The following NALF1 variants were observed in gnomAD, a reference collection of about 807,000 sequenced individuals.
The protein encoded by NALF1 is NALCN channel auxiliary factor 1.
Under a neutral mutation model 48.4 loss-of-function variants are expected in NALF1, and 3 were observed. That is an observed-to-expected ratio of 0.06 (90% CI 0.03 to 0.16). The LOEUF (loss-of-function observed/expected upper bound fraction) is 0.16, where lower values mean the gene tolerates loss of function less well. NALF1 is among the 10% of genes least tolerant of loss of function. NALF1 has a pLI of 1.00. For synonymous variants in NALF1, 262 were observed against 245.7 expected (o/e 1.07, Z -0.62); for missense variants, 526 against 571.5 (o/e 0.92, Z 0.81).
At chr13:107,372,449 T>C (rs921349048) in intron 1 of NALF1, among the ~76,000 whole-genome samples, 2 of 152,248 alleles carry the variant, frequency 1.3e-5, no homozygotes, top group Non-Finnish European at 2.9e-5. Context: ...TTTACTCTCA[T>C]AGTCCACAAC....
intron 1 of NALF1, among the ~76,000 whole-genome samples, chr13:107,325,881 TATATATACACAC>T (rs1471718942): frequency 9.3e-6 from 1 of 107,020 alleles, no homozygotes; most frequent in African/African-American, 3.1e-5. Context: ...TATATATATA[TATATATACACAC>T]ACACACACAC....
chr13:107,519,109 A>C (rs573129645), intron 1 of NALF1, among the ~76,000 whole-genome samples: 53 of 83,174 alleles, frequency 6.4e-4, no homozygotes, highest in African/African-American at 1.5e-3. Flanking sequence ...GCTGATAAAA[A>C]TCACTAAGGA....
At chr13:107,656,934 C>A (rs1476922010) in intron 1 of NALF1, among the ~76,000 whole-genome samples, 1 of 151,690 alleles carries the variant, frequency 6.6e-6, no homozygotes, top group Non-Finnish European at 1.5e-5. Context: ...TTTTCTCACT[C>A]ATATGTGGGA....
At chr13:107,385,552 C>CAAAAAAAAAAAAAAA (rs201307018) in intron 1 of NALF1, among the ~76,000 whole-genome samples, 7 of 118,282 alleles carry the variant, frequency 5.9e-5, no homozygotes, top group African/African-American at 1.3e-4. Flanking sequence ...GATTCCATCT[C>CAAAAAAAAAAAAAAA]AAAAAAAAAA....
chr13:107,568,344 T>G (rs969034453), intron 1 of NALF1, among the ~76,000 whole-genome samples: 1 of 152,236 alleles, frequency 6.6e-6, no homozygotes. Context: ...TGTTCAACCT[T>G]TCTCTCACTG....
intron 1 of NALF1, among the ~76,000 whole-genome samples, chr13:107,592,927 G>A (rs1878637516): frequency 6.6e-6 from 1 of 151,688 alleles, no homozygotes; most frequent in African/African-American, 2.4e-5. Context: ...AGTTTTCAAT[G>A]TTTTAGCATT....
At chr13:107,566,967 T>C (rs554449168) in intron 1 of NALF1, among the ~76,000 whole-genome samples, 2 of 152,310 alleles carry the variant, frequency 1.3e-5, no homozygotes, top group South Asian at 4.1e-4. Flanking sequence ...GATGCCAGGG[T>C]TCATTTTATT....
chr13:107,837,342 A>T (rs1449882420), intron 1 of NALF1, among the ~76,000 whole-genome samples: 1 of 152,228 alleles, frequency 6.6e-6, no homozygotes, highest in Non-Finnish European at 1.5e-5. Context: ...AGATGTTATT[A>T]TGCTTGGGCA....
intron 1 of NALF1, among the ~76,000 whole-genome samples, chr13:107,323,021 T>C (rs1350551201): frequency 6.6e-6 from 1 of 152,152 alleles, no homozygotes; most frequent in African/African-American, 2.4e-5. Context: ...TGAACTAATA[T>C]AAAGCTTAGC....
At chr13:107,581,133 T>A (rs931509588) in intron 1 of NALF1, among the ~76,000 whole-genome samples, 1 of 152,216 alleles carries the variant, frequency 6.6e-6, no homozygotes, top group African/African-American at 2.4e-5. Flanking sequence ...TCACGTTGTT[T>A]GTTCCTCGGA....
rs147595559 is a variant in NALF1, at chr13:107,638,294, C to T, written c.915+227388G>A. 3.2e-3 allele frequency among the ~76,000 whole-genome samples: 486 copies of T among 150,334 alleles called. 3 individuals carry two copies. The highest frequency in any genetic ancestry group is 0.011 in the African/African-American group (454 of 41,126). On this transcript the variant is annotated intron_variant, in intron 1 of 2. Transcript: ENST00000375915. ...CCATGAAAGTGGTATCATTTATTTC[C>T]AGGAGTAGATTATTTTTTTGTTTAG...
intron 1 of NALF1, among the ~76,000 whole-genome samples, chr13:107,405,571 G>A (rs1883885261): frequency 6.6e-6 from 1 of 151,978 alleles, no homozygotes; most frequent in East Asian, 1.9e-4. Flanking sequence ...GGAGTTCAGT[G>A]TCTGATTAAA....
chr13:107,647,511 T>G (rs1408847326), intron 1 of NALF1, among the ~76,000 whole-genome samples: 2 of 151,610 alleles, frequency 1.3e-5, no homozygotes, highest in African/African-American at 2.4e-5. Context: ...ACATATAGAT[T>G]GTTTCTACAA....
chr13:107,254,352 T>G (rs55784384), intron 1 of NALF1, among the ~76,000 whole-genome samples: 17,194 of 152,036 alleles, frequency 0.11, 1,150 homozygotes, highest in African/African-American at 0.17. Context: ...GAACAGCATT[T>G]TGTGAGAAAT....
chr13:107,549,391 T>C (rs967877455), intron 1 of NALF1, among the ~76,000 whole-genome samples: 5 of 152,170 alleles, frequency 3.3e-5, no homozygotes, highest in South Asian at 2.1e-4. Flanking sequence ...TAAGAGTCTC[T>C]AAGAACATAA....
intron 1 of NALF1, among the ~76,000 whole-genome samples, chr13:107,302,834 TCTCTCTCA>T (rs1178783418): frequency 1.3e-5 from 2 of 152,224 alleles, no homozygotes; most frequent in Admixed American, 6.5e-5. Context: ...ATGACTGCTC[TCTCTCTCA>T]CTCTCTCACA....
chr13:107,608,817 G>A (rs1879143730), intron 1 of NALF1, among the ~76,000 whole-genome samples: 1 of 152,196 alleles, frequency 6.6e-6, no homozygotes, highest in South Asian at 2.1e-4. Context: ...AGCAGGATCA[G>A]ACCCAGCCCG....
At chr13:107,765,535 T>A (rs2138565156) in intron 1 of NALF1, among the ~76,000 whole-genome samples, 1 of 152,322 alleles carries the variant, frequency 6.6e-6, no homozygotes, top group East Asian at 1.9e-4. Context: ...ACATAGTATT[T>A]GCTTATTTCG....
At chr13:107,174,522 A>AT (rs1301190817) in intron 2 of NALF1, among the ~76,000 whole-genome samples, 1 of 151,484 alleles carries the variant, frequency 6.6e-6, no homozygotes, top group African/African-American at 2.4e-5. Flanking sequence ...CACCTGGCTA[A>AT]TTTTTTGTAT....
Sources: gnomAD v4.1 joint callset for allele counts (sites outside exome capture counted in the v4.1 genomes callset) on GRCh38, gnomAD v4.1.1 for gene constraint, MANE v1.5 for transcripts, NCBI Gene and HGNC (gene_info 2026-07-23, HGNC 2026-07-21) for gene names.